PLXNA4: variants seen among roughly 807,000 people sequenced by gnomAD.
PLXNA4 encodes the protein plexin A4.
PLXNA4 carries 44 observed loss-of-function variants against 191.8 expected under a neutral mutation model. The ratio of observed to expected loss-of-function variants is 0.23; its 90% CI spans 0.18 to 0.29. PLXNA4 has a LOEUF of 0.29. PLXNA4 is among the 10% of genes least tolerant of loss of function. The pLI is 1.00. For synonymous variants in PLXNA4, 1,082 were observed against 1,009.5 expected (o/e 1.07, Z -1.36); for missense variants, 1,800 against 2,488.8 (o/e 0.72, Z 5.89).
intron 5 of PLXNA4, among the ~76,000 whole-genome samples, chr7:132,239,219 A>T (rs1798800272): frequency 6.6e-6 from 1 of 152,170 alleles, no homozygotes; most frequent in South Asian, 2.1e-4. Context: ...AACTGAGGCC[A>T]TAAAGGAAGT....
chr7:132,601,535 G>A (rs1381335813), intron 2 of PLXNA4, among the ~76,000 whole-genome samples: 2 of 152,170 alleles, frequency 1.3e-5, no homozygotes, highest in African/African-American at 4.8e-5. Flanking sequence ...TCTTGAATCT[G>A]CATCTCATGG....
intron 2 of PLXNA4, among the ~76,000 whole-genome samples, chr7:132,614,495 C>T (rs10225090): frequency 0.92 from 140,682 of 152,294 alleles, 65,601 homozygotes; most frequent in Non-Finnish European, 1. Flanking sequence ...GTTTTCAGCA[C>T]GTAAGTTGAT....
chr7:132,426,322 C>T (rs1406128796), intron 3 of PLXNA4, among the ~76,000 whole-genome samples: 1 of 152,202 alleles, frequency 6.6e-6, no homozygotes, highest in Admixed American at 6.5e-5. Flanking sequence ...CAGGAACACC[C>T]CTCCACTGGC....
At chr7:132,325,595 T>G (rs1007119228) in intron 3 of PLXNA4, among the ~76,000 whole-genome samples, 4 of 152,182 alleles carry the variant, frequency 2.6e-5, no homozygotes, top group African/African-American at 9.7e-5. Flanking sequence ...AGGCAGACAC[T>G]GGAGCAATGA....
At position 132,151,325 on chromosome 7, in the gene PLXNA4, GGAA is replaced by G. The variant is rs143329864; in HGVS notation, c.4661-2682_4661-2680del. ...GGAGGAGGAAGAAGGAGGAGGAGGA[GGAA>G]GAAGAAGGAGGAGGAGGAGGAAGAA... On this transcript the variant is annotated intron_variant, in intron 25 of 31. Transcript: ENST00000321063. Among the ~76,000 whole-genome samples, 175 of 67,836 alleles carry G rather than the reference GGAA, an allele frequency of 2.6e-3. 7 individuals carry two copies. The highest frequency in any genetic ancestry group is 8.5e-3 in the African/African-American group (156 of 18,246). 44.5% of individuals were successfully genotyped at this position (67,836 alleles called of 152,430 possible).
intron 1 of PLXNA4, among the ~76,000 whole-genome samples, chr7:132,555,045 G>GAAAAAAAAAAAAAAAAA (rs1554467852): frequency 3.6e-5 from 4 of 111,922 alleles, no homozygotes; most frequent in Non-Finnish European, 6.9e-5. Context: ...AAACCTGAAG[G>GAAAAAAAAAAAAAAAAA]AAAAAAAAAA....
intron 4 of PLXNA4, among the ~76,000 whole-genome samples, chr7:132,293,922 A>G (rs1800982976): frequency 1.3e-5 from 2 of 152,226 alleles, no homozygotes; most frequent in African/African-American, 4.8e-5. Flanking sequence ...GCCCAGATCC[A>G]TTTAGTCACC....
intron 5 of PLXNA4, among the ~76,000 whole-genome samples, chr7:132,237,077 G>A (rs1332833175): frequency 6.6e-6 from 1 of 152,202 alleles, no homozygotes; most frequent in Non-Finnish European, 1.5e-5. Context: ...ATAGACATGT[G>A]GATTACAAGC....
chr7:132,455,157 T>A (rs1274839117), intron 3 of PLXNA4, among the ~76,000 whole-genome samples: 1 of 152,176 alleles, frequency 6.6e-6, no homozygotes, highest in African/African-American at 2.4e-5. Context: ...CACTGGCAGG[T>A]ATCTGTGGTC....
In PLXNA4 at chr7:132,641,823, G is replaced by A. The variant is rs568918726; in HGVS notation, c.-87+4105C>T. ...ATGCACCTAACTCCACTGGAGGGAC[G>A]ACAACATAAGTACCCATGACCAAGT... is the stretch of plus-strand genomic sequence containing the variant. On this transcript the variant is annotated intron_variant, in intron 2 of 4. Transcript: ENST00000378539. Among the ~76,000 whole-genome samples the A allele has an allele frequency of 7.2e-5, 11 of 152,162 alleles. 1 individual carries two copies. Among genetic ancestry groups the A allele is most frequent in the African/African-American group, 1.9e-4 (8 of 41,506 alleles).
rs542200909 is a variant in PLXNA4, at chr7:132,221,839, G to A, written c.2097+1688C>T. Among the ~76,000 whole-genome samples, 14 of 152,256 alleles carry A rather than the reference G, an allele frequency of 9.2e-5. No homozygotes were observed. The South Asian group carries it at 2.5e-3, about 27-fold the overall frequency. ...GAGAGGGAGTTGGTTTTGTGTCTGA[G>A]GCTTCCATAATCTCTTCTTTTTTCT... On this transcript the variant is annotated intron_variant, in intron 9 of 31. Transcript: ENST00000321063.
intron 1 of PLXNA4, among the ~76,000 whole-genome samples, chr7:132,518,997 G>A (rs1283096201): frequency 3.3e-5 from 5 of 152,196 alleles, no homozygotes; most frequent in African/African-American, 7.2e-5. Flanking sequence ...CCATTACCAC[G>A]TGGAGATCGC....
At chr7:132,526,044 G>A (rs1353407233) in intron 1 of PLXNA4, among the ~76,000 whole-genome samples, 2 of 152,114 alleles carry the variant, frequency 1.3e-5, no homozygotes, top group African/African-American at 4.8e-5. Flanking sequence ...ATTCCTCAAG[G>A]CACTTTCACA....
At chr7:132,583,422 T>G (rs1185569286) in intron 2 of PLXNA4, among the ~76,000 whole-genome samples, 1 of 152,128 alleles carries the variant, frequency 6.6e-6, no homozygotes, top group East Asian at 1.9e-4. Context: ...TCCACACCAT[T>G]CTCCTTGAGG....
At chr7:132,172,685 AG>A (rs1796325964) in intron 21 of PLXNA4, among the ~76,000 whole-genome samples, 2 of 152,152 alleles carry the variant, frequency 1.3e-5, no homozygotes. Flanking sequence ...GGCCAGTAAA[AG>A]TTCTCAGAAA....
intron 1 of PLXNA4, among the ~76,000 whole-genome samples, chr7:132,516,224 A>T (rs1173228671): frequency 2.2e-5 from 1 of 45,962 alleles, no homozygotes; most frequent in East Asian, 4.0e-4. Context: ...TTGTCCTTTT[A>T]TTTATTTATT....
chr7:132,318,155 C>T lies in PLXNA4; in HGVS notation c.1372-19933G>A, dbSNP rs117482109. Among the ~76,000 whole-genome samples the T allele has an allele frequency of 1.1e-3, 173 of 152,182 alleles. 1 individual carries two copies. In the East Asian group the frequency reaches 0.026, roughly 23 times the overall value. On this transcript the variant is annotated intron_variant, in intron 3 of 31. Transcript: ENST00000321063. ...AGGCCTGCAGGCAGGGGGACTGGAGCGGAGAGGGCAGGGGTAGCATCTCAG... is the reference window on the plus strand; with the variant it reads ...AGGCCTGCAGGCAGGGGGACTGGAGTGGAGAGGGCAGGGGTAGCATCTCAG...
intron 2 of PLXNA4, among the ~76,000 whole-genome samples, chr7:132,500,159 C>T (rs1798187001): frequency 6.6e-6 from 1 of 152,162 alleles, no homozygotes; most frequent in Non-Finnish European, 1.5e-5. Context: ...AATGCATTAT[C>T]TTATCATTCA....
At chr7:132,229,226 C>G (rs1230628688) in intron 5 of PLXNA4, among the ~76,000 whole-genome samples, 3 of 152,322 alleles carry the variant, frequency 2.0e-5, no homozygotes, top group Middle Eastern at 3.4e-3. Context: ...GGATCAGAAT[C>G]CTGGCTCTAA....
Sources: allele counts gnomAD v4.1 joint callset (sites outside exome capture counted in the v4.1 genomes callset), GRCh38; gene constraint gnomAD v4.1.1; transcripts MANE v1.5; gene names NCBI Gene and HGNC (gene_info 2026-07-23, HGNC 2026-07-21).